Variants in KIAA1549L observed in about 807,000 individuals in gnomAD.
KIAA1549L encodes KIAA1549 like.
KIAA1549L carries 88 observed loss-of-function variants against 160.7 expected under a neutral mutation model. That is an observed-to-expected ratio of 0.55 (90% CI 0.46 to 0.65). The LOEUF is 0.65. KIAA1549L is among the 30% of genes least tolerant of loss of function. The pLI is 0.00. For synonymous variants in KIAA1549L, 950 were observed against 976.7 expected (o/e 0.97, Z 0.51); for missense variants, 2,258 against 2,437.5 (o/e 0.93, Z 1.55).
At chr11:33,514,982 T>A (rs1853311361) in intron 1 of KIAA1549L, among the ~76,000 whole-genome samples, 1 of 152,242 alleles carries the variant, frequency 6.6e-6, no homozygotes, top group Non-Finnish European at 1.5e-5. Flanking sequence ...ATATATGAAT[T>A]TGAGTGTTCT....
chr11:33,490,497 G>C (rs186996965), intron 1 of KIAA1549L, among the ~76,000 whole-genome samples: 1 of 151,996 alleles, frequency 6.6e-6, no homozygotes, highest in East Asian at 1.9e-4. Context: ...CTATGTTTTT[G>C]CATTTTTAGT....
At position 33,591,202 on chromosome 11, in the gene KIAA1549L, A is replaced by G. The variant is rs1185320953; in HGVS notation, c.4567-35A>G. 2.6e-6 allele frequency: 4 copies of G among 1,539,594 alleles called. No homozygotes were observed. In the East Asian group the frequency reaches 7.0e-5, roughly 27 times the overall value. ...GCCATGGTTAGAGTCACACTTCGCT[A>G]GAAATACGACTGCAAATCTGTTTCC... On this transcript the variant is annotated intron_variant, in intron 11 of 20. Coordinates refer to ENST00000658780, the MANE Select transcript of KIAA1549L (RefSeq NM_012194.3).
intron 6 of KIAA1549L, among the ~76,000 whole-genome samples, chr11:33,557,382 TG>T (rs1167592122): frequency 6.6e-6 from 1 of 151,720 alleles, no homozygotes; most frequent in East Asian, 1.9e-4. Flanking sequence ...TTTTTTTAGG[TG>T]GCCGTATGGT....
chr11:33,583,365 T>C lies in KIAA1549L; in HGVS notation c.4430T>C (p.Leu1477Pro). Residue 1477 changes from leucine to proline, a missense_variant, in exon 11 of 21, where the codon CTG (leucine) becomes CCG (proline). By Grantham distance (98) the Leu-to-Pro change is moderately conservative. This residue lies in a region of KIAA1549L where 1,359 missense variants were observed against 1,546.6 expected (regional missense o/e 0.88). Transcript: ENST00000658780. ...DPVVKNPPNN[L>P]WIIAAVLAPI... ...GTGGTGAAGAACCCGCCCAATAACC[T>C]GTGGATCATCGCTGCAGTGCTGGCG... 6.2e-7 allele frequency: 1 copy of C among 1,606,248 alleles called. No individual in the cohort carries two copies. Among genetic ancestry groups the C allele is most frequent in the South Asian group, 1.1e-5 (1 of 89,050 alleles).
At position 33,545,188 on chromosome 11, in the gene KIAA1549L, G is replaced by A. The variant is rs375043401; in HGVS notation, c.3195G>A (p.Thr1065=). The A allele has an allele frequency of 2.3e-4, 379 of 1,613,960 alleles. No homozygotes were observed. Among genetic ancestry groups the A allele is most frequent in the Admixed American group, 7.5e-4 (45 of 60,012 alleles). ...ACCTGGAGATGCCCAGAGCATCCACGCCACGCCCACTGACAGTCACGGCCG... is the reference window on the plus strand; with the variant it reads ...ACCTGGAGATGCCCAGAGCATCCACACCACGCCCACTGACAGTCACGGCCG... ...PTNLEMPRAS[T]PRPLTVTAAL... Residue 1065 remains threonine, a synonymous_variant, in exon 3 of 21, where the codon ACG becomes ACA. Coordinates refer to ENST00000658780, the MANE Select transcript of KIAA1549L (RefSeq NM_012194.3).
At chr11:33,623,252 C>G (rs1164371961) in intron 16 of KIAA1549L, among the ~76,000 whole-genome samples, 2 of 152,164 alleles carry the variant, frequency 1.3e-5, no homozygotes, top group Non-Finnish European at 2.9e-5. Flanking sequence ...GCTTGTTGCT[C>G]CATTGGGAAG....
rs753364276 is a variant in KIAA1549L at position 33,609,791 on chromosome 11, C to T, written c.5104C>T (p.Arg1702Trp). The change falls in exon 15 of 21, where the codon CGG becomes TGG. Residue 1702 changes from arginine to tryptophan, a missense_variant. Transcript: ENST00000658780. ...GCAGAAGTCAGACATCGAGCACTATCGGAACAAGCTGCGCCTCAAAGCCAA... is the reference window on the plus strand; with the variant it reads ...GCAGAAGTCAGACATCGAGCACTATTGGAACAAGCTGCGCCTCAAAGCCAA... ...LKQKSDIEHY[R>W]NKLRLKAKRK... 15 of 1,612,602 alleles carry T rather than the reference C, an allele frequency of 9.3e-6. No homozygotes were observed. The highest frequency in any genetic ancestry group is 1.3e-5 in the African/African-American group (1 of 74,882).
intron 1 of KIAA1549L, among the ~76,000 whole-genome samples, chr11:33,496,720 A>G (rs999483290): frequency 3.9e-5 from 6 of 152,174 alleles, no homozygotes; most frequent in Non-Finnish European, 8.8e-5. Context: ...GCTCCACAGT[A>G]CAGCCAGAGT....
chr11:33,599,970 AT>A (rs1564918297), intron 13 of KIAA1549L, among the ~76,000 whole-genome samples: 1 of 151,962 alleles, frequency 6.6e-6, no homozygotes, highest in African/African-American at 2.4e-5. Context: ...GTGTTGGAAT[AT>A]TTTTTTGTTT....
At chr11:33,482,502 A>T (rs937707850) in intron 1 of KIAA1549L, among the ~76,000 whole-genome samples, 2 of 150,936 alleles carry the variant, frequency 1.3e-5, no homozygotes, top group African/African-American at 2.4e-5. Context: ...GCTGAATTTT[A>T]CTCGGTTCCT....
At chr11:33,643,110 G>C (rs1267203226) in intron 16 of KIAA1549L, among the ~76,000 whole-genome samples, 3 of 152,116 alleles carry the variant, frequency 2.0e-5, no homozygotes, top group African/African-American at 4.8e-5. Context: ...AGTATACTTG[G>C]ACCTTCCAAT....
At chr11:33,588,504 A>G (rs1419568036) in intron 11 of KIAA1549L, among the ~76,000 whole-genome samples, 5 of 152,170 alleles carry the variant, frequency 3.3e-5, no homozygotes, top group Non-Finnish European at 5.9e-5. Context: ...CCTGGAAAGG[A>G]GCTAAATTGG....
At chr11:33,575,376 G>T (rs535101099) in intron 10 of KIAA1549L, among the ~76,000 whole-genome samples, 50 of 152,324 alleles carry the variant, frequency 3.3e-4, no homozygotes, top group African/African-American at 1.2e-3. Flanking sequence ...GGGAGGGTTT[G>T]CTTCGAAGGG....
At chr11:33,414,959 A>AT (rs1440827754) in intron 1 of KIAA1549L, among the ~76,000 whole-genome samples, 3 of 151,800 alleles carry the variant, frequency 2.0e-5, no homozygotes, top group Non-Finnish European at 2.9e-5. Context: ...TGTTGCAGAT[A>AT]TTTTTTCCCT....
chr11:33,441,494 A>T (rs1220820054), intron 1 of KIAA1549L, among the ~76,000 whole-genome samples: 2 of 97,860 alleles, frequency 2.0e-5, no homozygotes, highest in African/African-American at 9.1e-5. Flanking sequence ...AGGAATCGCC[A>T]CACGACTTCC....
At chr11:33,598,226 G>GTC (rs538018300) in intron 12 of KIAA1549L, among the ~76,000 whole-genome samples, 231 of 114,728 alleles carry the variant, frequency 2.0e-3, no homozygotes, top group East Asian at 9.6e-3. Context: ...GTGTGTGTGT[G>GTC]TGTCAGAGTG....
intron 5 of KIAA1549L, 73 bp downstream of exon 5, chr11:33,551,332 A>C (rs1226557366): frequency 3.9e-6 from 5 of 1,275,500 alleles, no homozygotes; most frequent in Non-Finnish European, 5.6e-6. Flanking sequence ...ACACCTGTTT[A>C]AAAGCTCCAT....
chr11:33,481,784 T>C (rs1269380476), intron 1 of KIAA1549L, among the ~76,000 whole-genome samples: 1 of 152,248 alleles, frequency 6.6e-6, no homozygotes, highest in African/African-American at 2.4e-5. Flanking sequence ...CTCTAGAAAG[T>C]GTTCCAATAG....
intron 16 of KIAA1549L, among the ~76,000 whole-genome samples, chr11:33,637,104 G>A (rs1851456172): frequency 6.6e-6 from 1 of 152,128 alleles, no homozygotes; most frequent in Non-Finnish European, 1.5e-5. Flanking sequence ...ACATGCTTGG[G>A]GAGCTCAGAG....
Sources: gnomAD v4.1 joint callset for allele counts (sites outside exome capture counted in the v4.1 genomes callset) on GRCh38, gnomAD v4.1.1 for gene constraint, gnomAD v4.1.1 regional missense constraint, MANE v1.5 for transcripts, NCBI Gene and HGNC (gene_info 2026-07-23, HGNC 2026-07-21) for gene names.